The following NEGR1 variants were observed in gnomAD, a reference collection of about 807,000 sequenced individuals.
NEGR1 encodes IgLON family member 4.
NEGR1 carries 10 observed loss-of-function variants against 40.9 expected under a neutral mutation model. That is an observed-to-expected ratio of 0.24 (90% CI 0.15 to 0.42). The LOEUF is 0.42. Ranked by LOEUF, NEGR1 falls within the 10% of genes least tolerant of loss-of-function variation. The pLI, the probability that NEGR1 is intolerant of heterozygous loss-of-function variation, is 1.00. For synonymous variants in NEGR1, 185 were observed against 166.8 expected, an observed-to-expected ratio of 1.11 and a Z score of -0.84; for missense variants, 352 against 438.9, an observed-to-expected ratio of 0.80 and a Z score of 1.77.
At chr1:71,560,261 G>A (rs371601760) in intron 6 of NEGR1, among the ~76,000 whole-genome samples, 1 of 150,808 alleles carries the variant, frequency 6.6e-6, no homozygotes, top group African/African-American at 2.4e-5. Flanking sequence ...CTGTCTCAAG[G>A]TTAAGCTAAT....
rs912733187 is a variant in NEGR1, at chr1:72,121,720, CTG to C, written c.176+160597_176+160598del. 3.8e-4 allele frequency among the ~76,000 whole-genome samples: 58 copies of C among 152,100 alleles called. 1 individual carries two copies. Among genetic ancestry groups the C allele is most frequent in the African/African-American group, 1.3e-3 (52 of 41,520 alleles). On this transcript the variant is annotated intron_variant, in intron 1 of 6. Transcript: ENST00000357731. ...TAAGAACTGTAAGAAAATGACTACA[CTG>C]TGAAAGAAAAATCACCTCTGTACAC...
chr1:72,100,767 C>A (rs529210147), intron 1 of NEGR1: 2 of 152,288 alleles, frequency 1.3e-5, no homozygotes, highest in African/African-American at 4.8e-5. Flanking sequence ...GCTCGGGCTT[C>A]CATAACAAAA....
chr1:72,051,592 A>G (rs535786185), intron 1 of NEGR1, among the ~76,000 whole-genome samples: 1 of 151,502 alleles, frequency 6.6e-6, no homozygotes, highest in Non-Finnish European at 1.5e-5. Context: ...GACATCCTTG[A>G]AAGTGTGAAA....
intron 2 of NEGR1, among the ~76,000 whole-genome samples, chr1:71,829,957 T>G (rs1658781596): frequency 6.6e-6 from 1 of 151,896 alleles, no homozygotes; most frequent in Non-Finnish European, 1.5e-5. Context: ...TCACTGGGAA[T>G]TTTTTTTCAG....
chr1:71,655,960 CT>C (rs1375752789), intron 4 of NEGR1, among the ~76,000 whole-genome samples: 1 of 152,134 alleles, frequency 6.6e-6, no homozygotes, highest in Non-Finnish European at 1.5e-5. Context: ...ACATTATTAC[CT>C]TTTTAAAGTG....
intron 2 of NEGR1, among the ~76,000 whole-genome samples, chr1:71,804,071 T>C (rs999305759): frequency 1.3e-5 from 2 of 152,092 alleles, no homozygotes; most frequent in African/African-American, 4.8e-5. Flanking sequence ...AACAAAATAA[T>C]AAATCAAGGT....
At chr1:71,567,827 G>A (rs921413648) in intron 6 of NEGR1, among the ~76,000 whole-genome samples, 1 of 108,968 alleles carries the variant, frequency 9.2e-6, no homozygotes, top group Admixed American at 9.8e-5. Context: ...TGTCATCAAT[G>A]AGATTTTGTT....
intron 3 of NEGR1, among the ~76,000 whole-genome samples, chr1:71,751,788 A>G (rs1655579637): frequency 6.6e-6 from 1 of 152,206 alleles, no homozygotes; most frequent in African/African-American, 2.4e-5. Flanking sequence ...GGAAGGCCAG[A>G]AGACACATTT....
intron 2 of NEGR1, among the ~76,000 whole-genome samples, chr1:71,833,722 GT>G (rs1557670112): frequency 6.6e-6 from 1 of 151,960 alleles, no homozygotes; most frequent in Non-Finnish European, 1.5e-5. Context: ...TTTATATTGT[GT>G]TTTCTATAGA....
At chr1:72,100,097 CT>C (rs1158384238) in intron 1 of NEGR1, among the ~76,000 whole-genome samples, 1 of 152,010 alleles carries the variant, frequency 6.6e-6, no homozygotes, top group Admixed American at 6.6e-5. Context: ...ACTAAAGTAA[CT>C]TTTTAAAATG....
intron 1 of NEGR1, among the ~76,000 whole-genome samples, chr1:72,241,949 T>A (rs1468142553): frequency 1.3e-5 from 2 of 151,694 alleles, no homozygotes; most frequent in Non-Finnish European, 3.0e-5. Flanking sequence ...ATCTGTGAAA[T>A]GGGTGAATGA....
intron 2 of NEGR1, among the ~76,000 whole-genome samples, chr1:71,776,933 A>T (rs1179909168): frequency 1.3e-5 from 2 of 152,136 alleles, no homozygotes; most frequent in Non-Finnish European, 2.9e-5. Context: ...ACTGGTTGAA[A>T]CAGATCACTT....
intron 2 of NEGR1, among the ~76,000 whole-genome samples, chr1:71,877,857 G>A (rs1162860141): frequency 2.0e-5 from 3 of 152,038 alleles, no homozygotes; most frequent in Non-Finnish European, 4.4e-5. Flanking sequence ...CAGTTCTAAG[G>A]TCTGAATGCT....
intron 1 of NEGR1, among the ~76,000 whole-genome samples, chr1:72,170,201 A>C (rs1347077076): frequency 1.3e-5 from 2 of 152,314 alleles, no homozygotes; most frequent in East Asian, 3.9e-4. Context: ...GAATGAAGGA[A>C]TAAATGCTTC....
rs184475557 is a variant in NEGR1 at position 72,054,028 on chromosome 1, A to T, written c.177-118717T>A. Among the ~76,000 whole-genome samples, 721 of 151,378 alleles carry T rather than the reference A, an allele frequency of 4.8e-3. 5 individuals carry two copies. The highest frequency in any genetic ancestry group is 0.016 in the African/African-American group (679 of 41,448). ...TAAAGCCATAAGGTGAGACGATAGG[A>T]TCTAAACCTGCTAGACTTAATTAGC... On this transcript the variant is annotated intron_variant, in intron 1 of 6. Transcript: ENST00000357731.
At chr1:71,463,106 A>G (rs1451561265) in intron 6 of NEGR1, among the ~76,000 whole-genome samples, 1 of 152,150 alleles carries the variant, frequency 6.6e-6, no homozygotes, top group Non-Finnish European at 1.5e-5. Flanking sequence ...GAAGAGACAA[A>G]TGTCTGTTTT....
chr1:71,810,142 C>A (rs988349520), intron 2 of NEGR1, among the ~76,000 whole-genome samples: 6 of 152,110 alleles, frequency 3.9e-5, no homozygotes, highest in African/African-American at 1.2e-4. Flanking sequence ...CTAGCAATGA[C>A]AGACAGCAGA....
intron 1 of NEGR1, among the ~76,000 whole-genome samples, chr1:72,201,940 A>T (rs1329685293): frequency 1.3e-5 from 2 of 151,846 alleles, no homozygotes. Context: ...CAGATATTGC[A>T]TTTTTCACAA....
intron 3 of NEGR1, among the ~76,000 whole-genome samples, chr1:71,765,175 C>T (rs568449530): frequency 6.6e-6 from 1 of 152,220 alleles, no homozygotes; most frequent in African/African-American, 2.4e-5. Flanking sequence ...AGTTGGTCAA[C>T]AGAACGGCCC....
Sources: gnomAD v4.1 joint callset for allele counts (sites outside exome capture counted in the v4.1 genomes callset) on GRCh38, gnomAD v4.1.1 for gene constraint, MANE v1.5 for transcripts, NCBI Gene and HGNC (gene_info 2026-07-23, HGNC 2026-07-21) for gene names.